The following CEBPG variants were observed in gnomAD, a reference collection of about 807,000 sequenced individuals.
The protein encoded by CEBPG is CCAAT/enhancer-binding protein gamma.
In CEBPG, 6 loss-of-function variants were observed where a neutral mutation model predicts 11.1. The observed-to-expected ratio is 0.54, with a 90% CI of 0.30 to 1.07. CEBPG has a LOEUF of 1.07. CEBPG is among the 50% of genes least tolerant of loss of function. The pLI is 0.07. For missense variants in CEBPG, 161 were observed against 187.4 expected, an observed-to-expected ratio of 0.86 and a Z score of 0.82; for synonymous variants, 66 against 71.0, an observed-to-expected ratio of 0.93 and a Z score of 0.36.
rs1967973283 is a variant in CEBPG, at chr19:33,380,594, G to A, written c.*902G>A. 1 of 166,976 alleles carries A rather than the reference G, an allele frequency of 6.0e-6. No homozygotes were observed. The highest frequency in any genetic ancestry group is 2.4e-5 in the African/African-American group (1 of 41,440). 10.3% of individuals were successfully genotyped at this position (166,976 alleles called of 1,614,324 possible). On this transcript the variant is annotated 3_prime_UTR_variant, in exon 2 of 2. Transcript: ENST00000284000. ...GACACAAGCTACTGATGAGGGTTTGGAATATTAATTCAGAAGGTAGTTTCT... is the reference window on the plus strand; with the variant it reads ...GACACAAGCTACTGATGAGGGTTTGAAATATTAATTCAGAAGGTAGTTTCT...
At chr19:33,376,421 A>G (rs1600062465) in intron 1 of CEBPG, among the ~76,000 whole-genome samples, 2 of 152,244 alleles carry the variant, frequency 1.3e-5, no homozygotes, top group South Asian at 2.1e-4. Flanking sequence ...ACCATTCTCA[A>G]TATTCATTGG....
In CEBPG at chr19:33,379,495, A is replaced by G; in HGVS notation, c.256A>G (p.Lys86Glu). The change falls in exon 2 of 2, where the codon AAA (lysine) becomes GAA (glutamate). Residue 86 changes from lysine to glutamate, a missense_variant. Transcript: ENST00000284000. The part of the protein sequence containing the change: ...VKKSRLKSKQ[K>E]AQDTLQRVNQ... ...AAAGAGCCGGTTGAAAAGCAAGCAG[A>G]AAGCACAAGACACACTGCAGAGAGT... is the stretch of plus-strand genomic sequence containing the variant. 6.2e-7 allele frequency: 1 copy of G among 1,614,142 alleles called. No individual in the cohort carries two copies. The highest frequency in any genetic ancestry group is 8.5e-7 in the Non-Finnish European group (1 of 1,180,016).
At chr19:33,376,964 C>T (rs928663324) in intron 1 of CEBPG, among the ~76,000 whole-genome samples, 8 of 152,300 alleles carry the variant, frequency 5.3e-5, no homozygotes, top group Admixed American at 4.6e-4. Flanking sequence ...TTTTGATTAT[C>T]TCCAAGTTTC....
chr19:33,376,754 A>G (rs909014455), intron 1 of CEBPG, among the ~76,000 whole-genome samples: 7 of 152,222 alleles, frequency 4.6e-5, no homozygotes, highest in African/African-American at 1.7e-4. Flanking sequence ...TTTAGGACTG[A>G]GTGTCCAGCT....
At chr19:33,378,009 A>T (rs1360677743) in intron 1 of CEBPG, among the ~76,000 whole-genome samples, 1 of 152,240 alleles carries the variant, frequency 6.6e-6, no homozygotes, top group African/African-American at 2.4e-5. Flanking sequence ...TTGTGAAAAG[A>T]GAACAGGATA....
At chr19:33,374,199 G>C (rs1239873229) in intron 1 of CEBPG, 1 of 150,828 alleles carries the variant, frequency 6.6e-6, no homozygotes, top group South Asian at 2.1e-4. Flanking sequence ...GGGAGCGCGC[G>C]AACGGCCGGG....
rs1967960520 is a variant in CEBPG, at chr19:33,379,659, T to G, written c.420T>G (p.Asn140Lys). 6.2e-7 allele frequency: 1 copy of G among 1,612,686 alleles called. No individual in the cohort carries two copies. The highest frequency in any genetic ancestry group is 8.5e-7 in the Non-Finnish European group (1 of 1,179,060). ...ADNVQSISTE[N>K]TTADGDNAGQ ...ACGTACAGTCCATTAGCACTGAAAA[T>G]ACGACAGCAGATGGCGACAATGCAG... Residue 140 changes from asparagine (N) to lysine (K), a missense_variant, in exon 2 of 2, where the codon AAT (asparagine) becomes AAG (lysine). Physicochemically the swap from Asn to Lys is moderately conservative, Grantham distance 94. Coordinates refer to ENST00000284000, the MANE Select transcript of CEBPG (RefSeq NM_001806.4).
In CEBPG at chr19:33,374,014, C is replaced by G. The variant is rs1267682139; in HGVS notation, c.-97+119C>G. On this transcript the variant is annotated intron_variant, in intron 1 of 1. Coordinates refer to ENST00000284000, the MANE Select transcript of CEBPG (RefSeq NM_001806.4). ...CCCAGCCCCGGCCCCAGACGGCCCG[C>G]TGGCCCGGGAAGGCCACGCGAGGCT... 2.0e-5 allele frequency: 3 copies of G among 150,124 alleles called. No individual in the cohort carries two copies. The East Asian group carries it at 6.0e-4, about 30-fold the overall frequency. The allele number at this position is 150,124 out of a possible 1,614,324, so 9.3% of individuals were successfully genotyped here.
Position 33,380,443 on chromosome 19 carries a change from T to C in CEBPG, c.*751T>C, listed in dbSNP as rs1443427111. Reference sequence around the variant, plus strand: ...GGCTTAGATTGGCATTGTTTTATTCTAAAAACCCAACTCAGTGGTGTAGAG... The same window carrying C: ...GGCTTAGATTGGCATTGTTTTATTCCAAAAACCCAACTCAGTGGTGTAGAG... On this transcript the variant is annotated 3_prime_UTR_variant, in exon 2 of 2. Transcript: ENST00000284000. 6.0e-6 allele frequency: 1 copy of C among 166,968 alleles called. No homozygotes were observed. The highest frequency in any genetic ancestry group is 1.5e-5 in the Non-Finnish European group (1 of 68,122). The allele number at this position is 166,968 out of a possible 1,614,324, so 10.3% of individuals were successfully genotyped here.
intron 1 of CEBPG, among the ~76,000 whole-genome samples, chr19:33,377,403 C>T (rs756043088): frequency 6.6e-6 from 1 of 151,922 alleles, no homozygotes; most frequent in Non-Finnish European, 1.5e-5. Context: ...GACAAGTTGA[C>T]TGTAGAGAGC....
chr19:33,379,697 C>T lies in CEBPG; in HGVS notation c.*5C>T, dbSNP rs1221950893. 6.3e-7 allele frequency: 1 copy of T among 1,576,726 alleles called. No homozygotes were observed. The highest frequency in any genetic ancestry group is 8.6e-7 in the Non-Finnish European group (1 of 1,168,276). On this transcript the variant is annotated 3_prime_UTR_variant, in exon 2 of 2. Coordinates refer to ENST00000284000, the MANE Select transcript of CEBPG (RefSeq NM_001806.4). ...GGCGACAATGCAGGACAGTAGACCT[C>T]ACCCTTTCCAGACTTTAGAGCTTGT...
In CEBPG at chr19:33,381,030, G is replaced by C. The variant is rs1276803991; in HGVS notation, c.*1338G>C. The stretch of plus-strand genomic sequence containing the variant: ...TAGAGTCTGGCTTACGTCAGTGTTG[G>C]TAGTTTAGATTGTCTTTGTCAACGT... On this transcript the variant is annotated 3_prime_UTR_variant, in exon 2 of 2. Coordinates refer to ENST00000284000, the MANE Select transcript of CEBPG (RefSeq NM_001806.4). The C allele has an allele frequency of 6.0e-6, 1 of 167,032 alleles. No individual in the cohort carries two copies. The highest frequency in any genetic ancestry group is 1.5e-5 in the Non-Finnish European group (1 of 68,130). The allele number at this position is 167,032 out of a possible 1,614,324, so 10.3% of individuals were successfully genotyped here.
At chr19:33,378,094 T>G (rs1305752724) in intron 1 of CEBPG, among the ~76,000 whole-genome samples, 1 of 152,238 alleles carries the variant, frequency 6.6e-6, no homozygotes, top group Non-Finnish European at 1.5e-5. Flanking sequence ...TTCACTGAAC[T>G]TAGTTTGTCT....
At chr19:33,376,823 A>C (rs1161275486) in intron 1 of CEBPG, among the ~76,000 whole-genome samples, 1 of 152,230 alleles carries the variant, frequency 6.6e-6, no homozygotes, top group Non-Finnish European at 1.5e-5. Context: ...GGAGGAACAA[A>C]GCGTAAATGA....
chr19:33,373,985 G>A (rs1310724632), intron 1 of CEBPG, 90 bp downstream of exon 1: 1 of 150,734 alleles, frequency 6.6e-6, no homozygotes, highest in African/African-American at 2.4e-5. Flanking sequence ...CCGGCTCGGG[G>A]AAACCCAGCC....
chr19:33,379,745 C>A lies in CEBPG; in HGVS notation c.*53C>A. On this transcript the variant is annotated 3_prime_UTR_variant, in exon 2 of 2. Coordinates refer to ENST00000284000, the MANE Select transcript of CEBPG (RefSeq NM_001806.4). ...TGTGGCTTGAATGTTAAAGGTGTGA[C>A]CACCGACACCACTCATGTCAATGGC... The A allele has an allele frequency of 6.9e-7, 1 of 1,455,146 alleles. No individual in the cohort carries two copies. Among genetic ancestry groups the A allele is most frequent in the South Asian group, 1.3e-5 (1 of 74,174 alleles). The allele number at this position is 1,455,146 out of a possible 1,614,324, so 90.1% of individuals were successfully genotyped here.
At position 33,381,927 on chromosome 19, in the gene CEBPG, T is replaced by G. The variant is rs1351539519; in HGVS notation, c.*2235T>G. ...TTAAGCATGGTGTTGTCTATCTTAT[T>G]GAAGTGGTTGGAAATGAAAGCTTTT... On this transcript the variant is annotated 3_prime_UTR_variant, in exon 2 of 2. Transcript: ENST00000284000. 1.2e-5 allele frequency: 2 copies of G among 167,122 alleles called. No individual in the cohort carries two copies. Among genetic ancestry groups the G allele is most frequent in the African/African-American group, 4.8e-5 (2 of 41,470 alleles). 10.4% of individuals were successfully genotyped at this position (167,122 alleles called of 1,614,324 possible).
At chr19:33,377,040 T>A (rs1254265033) in intron 1 of CEBPG, among the ~76,000 whole-genome samples, 3 of 152,246 alleles carry the variant, frequency 2.0e-5, no homozygotes, top group African/African-American at 7.2e-5. Context: ...AGGGCTTACC[T>A]TTAAAACCTC....
chr19:33,377,582 A>C (rs577577539), intron 1 of CEBPG, among the ~76,000 whole-genome samples: 1 of 152,378 alleles, frequency 6.6e-6, no homozygotes, highest in Non-Finnish European at 1.5e-5. Flanking sequence ...GTTAGGTGGC[A>C]CTAAATGTGG....
Sources: allele counts gnomAD v4.1 joint callset (sites outside exome capture counted in the v4.1 genomes callset), GRCh38; gene constraint gnomAD v4.1.1; transcripts MANE v1.5; gene names NCBI Gene and HGNC (gene_info 2026-07-23, HGNC 2026-07-21).